CTNNA3: variants seen among roughly 807,000 people sequenced by gnomAD.
The protein encoded by CTNNA3 is catenin alpha 3.
In CTNNA3, 76 loss-of-function variants were observed where a neutral mutation model predicts 95.7. The ratio of observed to expected loss-of-function variants is 0.79; its 90% CI spans 0.66 to 0.96. CTNNA3 has a LOEUF of 0.96. CTNNA3 is among the 40% of genes least tolerant of loss of function. The pLI, the probability that CTNNA3 is intolerant of heterozygous loss-of-function variation, is 0.00. For missense variants in CTNNA3, 1,191 were observed against 1,089.8 expected (o/e 1.09, Z -1.31); for synonymous variants, 431 against 374.4 (o/e 1.15, Z -1.74).
chr10:66,990,016 G>A (rs1203050536), intron 7 of CTNNA3, among the ~76,000 whole-genome samples: 1 of 152,136 alleles, frequency 6.6e-6, no homozygotes, highest in Non-Finnish European at 1.5e-5. Context: ...ATTATACGAA[G>A]AGAAATGCAA....
At chr10:66,753,680 T>A (rs35617498) in intron 9 of CTNNA3, among the ~76,000 whole-genome samples, 7,922 of 150,360 alleles carry the variant, frequency 0.053, 307 homozygotes, top group East Asian at 0.23. Flanking sequence ...AAAGAAAATA[T>A]ATATATATAT....
chr10:67,475,116 A>C (rs6480261), intron 5 of CTNNA3, among the ~76,000 whole-genome samples: 59,583 of 152,092 alleles, frequency 0.39, 16,334 homozygotes, highest in African/African-American at 0.78. Context: ...TACTGATACA[A>C]ACAACTGGAT....
intron 11 of CTNNA3, among the ~76,000 whole-genome samples, chr10:66,514,688 T>C (rs1331683688): frequency 6.6e-6 from 1 of 152,116 alleles, no homozygotes; most frequent in Non-Finnish European, 1.5e-5. Flanking sequence ...GATTTAGCAC[T>C]CATAATTATG....
intron 15 of CTNNA3, among the ~76,000 whole-genome samples, chr10:66,027,691 A>G (rs918966623): frequency 1.3e-5 from 2 of 152,160 alleles, no homozygotes; most frequent in African/African-American, 2.4e-5. Flanking sequence ...GGAAGACTCA[A>G]TTTAGGATTA....
chr10:66,461,597 C>T (rs979315545), intron 11 of CTNNA3, among the ~76,000 whole-genome samples: 6 of 150,962 alleles, frequency 4.0e-5, no homozygotes, highest in African/African-American at 9.8e-5. Context: ...TATTAGGTGT[C>T]GGTGCTTATA....
chr10:67,555,475 T>C (rs566540213), intron 3 of CTNNA3, among the ~76,000 whole-genome samples: 1 of 152,348 alleles, frequency 6.6e-6, no homozygotes, highest in East Asian at 1.9e-4. Context: ...TTCACATATC[T>C]TGTAAGTTGG....
intron 14 of CTNNA3, among the ~76,000 whole-genome samples, chr10:66,084,309 T>G (rs934213328): frequency 1.3e-5 from 2 of 152,070 alleles, no homozygotes; most frequent in Non-Finnish European, 2.9e-5. Flanking sequence ...AATATTTGAC[T>G]ATTCTGTTGC....
intron 16 of CTNNA3, among the ~76,000 whole-genome samples, chr10:65,974,776 T>TAA (rs35290992): frequency 1.3e-5 from 2 of 151,634 alleles, no homozygotes; most frequent in Non-Finnish European, 2.9e-5. Flanking sequence ...GACTCTGGGT[T>TAA]AAAAAAAATT....
At chr10:65,927,145 G>A (rs2077180452) in intron 17 of CTNNA3, among the ~76,000 whole-genome samples, 1 of 151,994 alleles carries the variant, frequency 6.6e-6, no homozygotes, top group Non-Finnish European at 1.5e-5. Context: ...AACTCAGGGA[G>A]AATGATTTCA....
At chr10:66,903,947 T>C (rs1845870435) in intron 7 of CTNNA3, among the ~76,000 whole-genome samples, 1 of 152,166 alleles carries the variant, frequency 6.6e-6, no homozygotes. Flanking sequence ...AAAATGGCCG[T>C]ACTGCCCAAG....
intron 1 of CTNNA3, among the ~76,000 whole-genome samples, chr10:67,757,697 A>T (rs1841441362): frequency 1.3e-5 from 2 of 152,160 alleles, no homozygotes; most frequent in African/African-American, 4.8e-5. Flanking sequence ...CACAGACTGA[A>T]GGCTGTTGCA....
chr10:65,971,108 A>C (rs2078090967), intron 16 of CTNNA3, among the ~76,000 whole-genome samples: 1 of 151,938 alleles, frequency 6.6e-6, no homozygotes. Flanking sequence ...AATTCTTTGA[A>C]ATAAATAAAA....
chr10:66,832,925 C>T (rs987815385), intron 7 of CTNNA3, among the ~76,000 whole-genome samples: 3 of 152,122 alleles, frequency 2.0e-5, no homozygotes, highest in Non-Finnish European at 4.4e-5. Context: ...AAAGCAAATG[C>T]ATCACATTCT....
chr10:67,129,509 C>T (rs899505423), intron 7 of CTNNA3, among the ~76,000 whole-genome samples: 2 of 152,102 alleles, frequency 1.3e-5, no homozygotes, highest in African/African-American at 4.8e-5. Context: ...AACTCAGATG[C>T]AGAGTCAAAT....
At chr10:67,301,498 G>C (rs1840269451) in intron 5 of CTNNA3, among the ~76,000 whole-genome samples, 4 of 152,152 alleles carry the variant, frequency 2.6e-5, no homozygotes, top group African/African-American at 9.7e-5. Flanking sequence ...TCCCACTACT[G>C]GGTATGTATT....
At chr10:66,626,271 A>C (rs754318771) in intron 9 of CTNNA3, among the ~76,000 whole-genome samples, 2 of 152,156 alleles carry the variant, frequency 1.3e-5, no homozygotes, top group Non-Finnish European at 2.9e-5. Flanking sequence ...AAGTTCCCAC[A>C]CAGGTATTTA....
chr10:66,476,006 T>C (rs1193826260), intron 11 of CTNNA3, among the ~76,000 whole-genome samples: 1 of 152,104 alleles, frequency 6.6e-6, no homozygotes, highest in Non-Finnish European at 1.5e-5. Flanking sequence ...ATGTGGTACA[T>C]ATACATCATG....
chr10:66,953,376 T>C (rs1848635098), intron 7 of CTNNA3, among the ~76,000 whole-genome samples: 1 of 152,210 alleles, frequency 6.6e-6, no homozygotes, highest in Non-Finnish European at 1.5e-5. Context: ...TTGTCTGAAA[T>C]GAGAGAGTTG....
intron 7 of CTNNA3, among the ~76,000 whole-genome samples, chr10:67,021,529 T>C (rs1853014919): frequency 6.6e-6 from 1 of 152,002 alleles, no homozygotes; most frequent in African/African-American, 2.4e-5. Flanking sequence ...TAACAAAAAT[T>C]ACAATAAAAA....
Sources: gnomAD v4.1 joint callset for allele counts (sites outside exome capture counted in the v4.1 genomes callset) on GRCh38, gnomAD v4.1.1 for gene constraint, MANE v1.5 for transcripts, NCBI Gene and HGNC (gene_info 2026-07-23, HGNC 2026-07-21) for gene names.